BRD4: variants seen among roughly 807,000 people sequenced by gnomAD.
BRD4 encodes the protein bromodomain containing 4.
Under a neutral mutation model 142.1 loss-of-function variants are expected in BRD4, and 16 were observed. The ratio of observed to expected loss-of-function variants is 0.11; its 90% CI spans 0.08 to 0.17. BRD4 has a LOEUF of 0.17. BRD4 is among the 10% of genes least tolerant of loss of function. BRD4 has a pLI of 1.00. For missense variants in BRD4, 1,424 were observed against 1,810.9 expected (o/e 0.79, Z 3.88); for synonymous variants, 833 against 707.5 (o/e 1.18, Z -2.82).
chr19:15,306,382 T>A (rs926845048), intron 1 of BRD4, among the ~76,000 whole-genome samples: 1 of 152,078 alleles, frequency 6.6e-6, no homozygotes, highest in Admixed American at 6.6e-5. Context: ...AATCCTCCCA[T>A]CTCAGCCTCC....
intron 1 of BRD4, among the ~76,000 whole-genome samples, chr19:15,323,856 A>G (rs2048085685): frequency 6.6e-6 from 1 of 152,228 alleles, no homozygotes; most frequent in Non-Finnish European, 1.5e-5. Flanking sequence ...CAGAAAGCAA[A>G]GCCAGCACTC....
At chr19:15,310,104 T>C (rs2047953741) in intron 1 of BRD4, among the ~76,000 whole-genome samples, 1 of 151,986 alleles carries the variant, frequency 6.6e-6, no homozygotes. Context: ...CAGAAACTAC[T>C]TGCTGTGGAA....
chr19:15,317,898 G>C lies in BRD4; in HGVS notation c.-35+14392C>G, dbSNP rs574902915. 5.9e-5 allele frequency among the ~76,000 whole-genome samples: 9 copies of C among 152,354 alleles called. No individual in the cohort carries two copies. In the South Asian group the frequency reaches 1.9e-3, roughly 32 times the overall value. On this transcript the variant is annotated intron_variant, in intron 1 of 19. Coordinates refer to ENST00000679869, the MANE Select transcript of BRD4 (RefSeq NM_001379291.1). ...GAACACGAAGGTGGTATTATTTCCA[G>C]GCAGCTAATCTGTCAGCTGAATGGT...
intron 7 of BRD4, among the ~76,000 whole-genome samples, chr19:15,259,342 C>T (rs2047445292): frequency 1.3e-5 from 2 of 152,206 alleles, no homozygotes; most frequent in Admixed American, 6.5e-5. Flanking sequence ...TAAGCCTGGG[C>T]CAGCTTCAAG....
chr19:15,319,733 C>T (rs2048045425), intron 1 of BRD4, among the ~76,000 whole-genome samples: 4 of 152,056 alleles, frequency 2.6e-5, no homozygotes. Context: ...GGACTCCAGA[C>T]CAGCCTGCCT....
rs573157052 is a variant in BRD4, at chr19:15,260,815, A to C, written c.1341+2605T>G. On this transcript the variant is annotated intron_variant, in intron 7 of 19. Transcript: ENST00000679869. ...GAAAAATGCAAAAAAAAAAAAAAAA[A>C]CCACTTAAAACCCAAAAATCTTTGT... 4.9e-3 allele frequency among the ~76,000 whole-genome samples: 739 copies of C among 150,394 alleles called. 9 individuals carry two copies. Among genetic ancestry groups the C allele is most frequent in the Middle Eastern group, 0.017 (5 of 292 alleles).
In BRD4 at chr19:15,308,147, CGGGGGGGGGGGGG is replaced by C. The variant is rs797004193; in HGVS notation, c.-35+24130_-35+24142del. Among the ~76,000 whole-genome samples the C allele has an allele frequency of 1.7e-3, 5 of 2,962 alleles. 1 individual carries two copies. The highest frequency in any genetic ancestry group is 3.4e-3 in the Non-Finnish European group (4 of 1,162). 1.9% of individuals were successfully genotyped at this position (2,962 alleles called of 152,430 possible). On this transcript the variant is annotated intron_variant, in intron 1 of 19. Transcript: ENST00000679869. The stretch of plus-strand genomic sequence containing the variant: ...AAAAAAAAAAAAAAAGTTGCGGGGC[CGGGGGGGGGGGGG>C]GGGGTGGGTCGCGTAGTGAAGAAAA...
chr19:15,246,279 G>A (rs553987383), intron 11 of BRD4, among the ~76,000 whole-genome samples: 2 of 152,194 alleles, frequency 1.3e-5, no homozygotes, highest in African/African-American at 4.8e-5. Context: ...CTGCTGTGGT[G>A]GTGGGGGGAG....
chr19:15,254,138 A>G lies in BRD4; in HGVS notation c.2158+14T>C. ...AAGAGTTTGGTAAGACACGTAGAAC[A>G]CAAGTCACCTAACCTGTTTCGGAGT... On this transcript the variant is annotated intron_variant, in intron 11 of 19. Transcript: ENST00000679869. 1 of 1,608,908 alleles carries G rather than the reference A, an allele frequency of 6.2e-7. No homozygotes were observed. Among genetic ancestry groups the G allele is most frequent in the East Asian group, 2.2e-5 (1 of 44,848 alleles).
Position 15,239,006 on chromosome 19 carries a change from G to A in BRD4, c.3783-26C>T, listed in dbSNP as rs752887812. Reference sequence around the variant, plus strand: ...CTGGGCAGAGGGTCCCAGTCAGCCTGGGGACTGGTGTGGCCCCAAGAGTCC... The same window carrying A: ...CTGGGCAGAGGGTCCCAGTCAGCCTAGGGACTGGTGTGGCCCCAAGAGTCC... On this transcript the variant is annotated intron_variant, in intron 18 of 19. Coordinates refer to ENST00000679869, the MANE Select transcript of BRD4 (RefSeq NM_001379291.1). This position sits in a 1 kb window ranked among gnomAD's most constrained non-coding sequence, Gnocchi z 7.4. 21 of 1,576,674 alleles carry A rather than the reference G, an allele frequency of 1.3e-5. No homozygotes were observed. The highest frequency in any genetic ancestry group is 1.6e-5 in the Non-Finnish European group (19 of 1,163,352).
intron 11 of BRD4, chr19:15,253,707 C>T (rs2145563074): frequency 1.3e-6 from 2 of 1,598,454 alleles, no homozygotes; most frequent in Non-Finnish European, 1.7e-6. Flanking sequence ...GAAGCATCTC[C>T]CTGAAGCGGC....
chr19:15,248,098 A>G, intron 11 of BRD4: 1 of 219,030 alleles, frequency 4.6e-6, no homozygotes. Flanking sequence ...AAAAGGAGAA[A>G]AAATGAAAAG....
chr19:15,237,984 G>A lies in BRD4; in HGVS notation c.*393C>T, dbSNP rs202033132. 6.6e-4 allele frequency: 161 copies of A among 245,244 alleles called. No individual in the cohort carries two copies. The highest frequency in any genetic ancestry group is 3.0e-3 in the African/African-American group (139 of 45,636). The allele number at this position is 245,244 out of a possible 1,614,324, so 15.2% of individuals were successfully genotyped here. The stretch of plus-strand genomic sequence containing the variant: ...AGACTCCCGGCGGGCAGGACATCAC[G>A]AACGTCACGTTCTTGGGGACAGAAA... On this transcript the variant is annotated 3_prime_UTR_variant, in exon 20 of 20. Transcript: ENST00000679869.
intron 1 of BRD4, among the ~76,000 whole-genome samples, chr19:15,318,995 T>C (rs1171639003): frequency 6.6e-6 from 1 of 152,204 alleles, no homozygotes; most frequent in Non-Finnish European, 1.5e-5. Context: ...TGATCCACCC[T>C]GTTTCCAAGT....
rs750475223 is a variant in BRD4, at chr19:15,243,367, G to C, written c.2702C>G (p.Pro901Arg). 1 of 1,508,776 alleles carries C rather than the reference G, an allele frequency of 6.6e-7. No individual in the cohort carries two copies. Among genetic ancestry groups the C allele is most frequent in the South Asian group, 1.3e-5 (1 of 74,760 alleles). The allele number at this position is 1,508,776 out of a possible 1,614,324, so 93.5% of individuals were successfully genotyped here. Residue 901 changes from proline (P) to arginine (R), a missense_variant, in exon 14 of 20, where the codon CCA becomes CGA. Pro to Arg is a moderately radical substitution (Grantham distance 103). This residue lies in a region of BRD4 where 598 missense variants were observed against 647.8 expected (regional missense o/e 0.92). Transcript: ENST00000679869. The part of the protein sequence containing the change: ...SPALTQTPLL[P>R]QPPMAQPPQV... Reference sequence around the variant, plus strand: ...GGGGGGTTGGGCCATGGGGGGCTGTGGGAGCAGGGGTGTTTGGGTCAAGGC... The same window carrying C: ...GGGGGGTTGGGCCATGGGGGGCTGTCGGAGCAGGGGTGTTTGGGTCAAGGC...
At chr19:15,273,446 C>G (rs1732185023) in intron 1 of BRD4, among the ~76,000 whole-genome samples, 1 of 152,244 alleles carries the variant, frequency 6.6e-6, no homozygotes, top group South Asian at 2.1e-4. Context: ...AATGAAGCCA[C>G]GTCTCACAAA....
At chr19:15,313,233 C>A (rs921449198) in intron 1 of BRD4, among the ~76,000 whole-genome samples, 1 of 151,510 alleles carries the variant, frequency 6.6e-6, no homozygotes, top group Non-Finnish European at 1.5e-5. Context: ...ATTAGCCGGG[C>A]GTGGTGGCGG....
Position 15,254,158 on chromosome 19 carries a change from C to G in BRD4, c.2152G>C (p.Glu718Gln), listed in dbSNP as rs1394299823. The G allele has an allele frequency of 2.4e-5, 39 of 1,613,712 alleles. No individual in the cohort carries two copies. Among genetic ancestry groups the G allele is most frequent in the Non-Finnish European group, 3.1e-5 (37 of 1,179,706 alleles). ...AGAACACAAGTCACCTAACCTGTTT[C>G]GGAGTCTTCGCTGTCAGAGGAGCTG... is the stretch of plus-strand genomic sequence containing the variant. ...ESSSSDSEDSETEMAPKSKKK... is the reference protein window; with the variant it reads ...ESSSSDSEDSQTEMAPKSKKK... Residue 718 changes from glutamate (E) to glutamine (Q), a missense_variant, in exon 11 of 20, where the codon GAA (glutamate) becomes CAA (glutamine). By Grantham distance (29) the Glu-to-Gln change is conservative. This residue lies in a region of BRD4 where 598 missense variants were observed against 647.8 expected (regional missense o/e 0.92). Coordinates refer to ENST00000679869, the MANE Select transcript of BRD4 (RefSeq NM_001379291.1).
Position 15,244,399 on chromosome 19 carries a change from C to A in BRD4, c.2413G>T (p.Val805Leu), listed in dbSNP as rs530654224. ...SSPPPFIATQ[V>L]PVLEPQLPGS... Reference sequence around the variant, plus strand: ...GGGAGCTGGGGCTCCAGGACGGGCACCTGGGTGGCAATGAAGGGTGGGGGC... The same window carrying A: ...GGGAGCTGGGGCTCCAGGACGGGCAACTGGGTGGCAATGAAGGGTGGGGGC... The change falls in exon 13 of 20, where the codon GTG (valine) becomes TTG (leucine). Residue 805 changes from valine (V) to leucine (L), a missense_variant. Val to Leu is a conservative substitution (Grantham distance 32). Coordinates refer to ENST00000679869, the MANE Select transcript of BRD4 (RefSeq NM_001379291.1). 1.3e-6 allele frequency: 2 copies of A among 1,588,474 alleles called. No homozygotes were observed. Among genetic ancestry groups the A allele is most frequent in the Non-Finnish European group, 1.7e-6 (2 of 1,169,024 alleles).
Sources: gnomAD v4.1 joint callset for allele counts (sites outside exome capture counted in the v4.1 genomes callset) on GRCh38, gnomAD v4.1.1 for gene constraint, gnomAD v4.1.1 regional missense constraint, Gnocchi (gnomAD v3.1) non-coding constraint, MANE v1.5 for transcripts, NCBI Gene and HGNC (gene_info 2026-07-23, HGNC 2026-07-21) for gene names.